The following MAST4 variants were observed in gnomAD, a reference collection of about 807,000 sequenced individuals.
MAST4 encodes the protein microtubule-associated serine/threonine-protein kinase 4.
In MAST4, 89 loss-of-function variants were observed where a neutral mutation model predicts 162.7. The observed-to-expected ratio is 0.55, with a 90% CI of 0.46 to 0.65. The LOEUF is 0.65. MAST4 is among the 30% of genes least tolerant of loss of function. The pLI is 0.00. For missense variants in MAST4, 3,153 were observed against 3,374.0 expected (o/e 0.93, Z 1.62); for synonymous variants, 1,479 against 1,361.1 (o/e 1.09, Z -1.91).
At chr5:66,865,841 G>A (rs1760474685) in intron 3 of MAST4, among the ~76,000 whole-genome samples, 1 of 152,108 alleles carries the variant, frequency 6.6e-6, no homozygotes, top group African/African-American at 2.4e-5. Flanking sequence ...TTGGGAGGCT[G>A]AGGTGGGCGG....
chr5:66,620,124 C>T lies in MAST4; in HGVS notation c.363+23106C>T, dbSNP rs138238940. ...TAATTGTTACCTGGTTATTATAGTT[C>T]GCTGTTAGCAAAATATTCTATAGGA... On this transcript the variant is annotated intron_variant, in intron 1 of 28. Coordinates refer to ENST00000403625, the MANE Select transcript of MAST4 (RefSeq NM_001164664.2). Among the ~76,000 whole-genome samples the T allele has an allele frequency of 1.8e-4, 25 of 142,596 alleles. No homozygotes were observed. The East Asian group carries it at 2.0e-3, about 12-fold the overall frequency. The allele number at this position is 142,596 out of a possible 152,430, so 93.5% of individuals were successfully genotyped here. A position where few individuals can be genotyped will look rare whatever the true frequency, so the allele number is the denominator to read the frequency against.
At chr5:66,600,925 C>T (rs1235390914) in intron 1 of MAST4, among the ~76,000 whole-genome samples, 3 of 152,182 alleles carry the variant, frequency 2.0e-5, no homozygotes, top group Admixed American at 6.5e-5. Context: ...CCCATGTATA[C>T]TCTGCTACAC....
At chr5:66,987,210 G>A (rs1181091060) in intron 4 of MAST4, among the ~76,000 whole-genome samples, 1 of 152,086 alleles carries the variant, frequency 6.6e-6, no homozygotes. Context: ...GTGTCTTGAA[G>A]GTGACATGTT....
At chr5:66,665,059 T>C (rs1207830846) in intron 1 of MAST4, among the ~76,000 whole-genome samples, 1 of 152,022 alleles carries the variant, frequency 6.6e-6, no homozygotes, top group Non-Finnish European at 1.5e-5. Context: ...AAGAACAGAG[T>C]ACTATCAGAA....
At chr5:66,964,169 A>G (rs908803664) in intron 4 of MAST4, 5 of 415,542 alleles carry the variant, frequency 1.2e-5, no homozygotes, top group Admixed American at 3.2e-5. Flanking sequence ...TTTATACACT[A>G]TTATTTACAG....
At chr5:66,694,785 C>A (rs778554561) in intron 1 of MAST4, among the ~76,000 whole-genome samples, 1 of 152,208 alleles carries the variant, frequency 6.6e-6, no homozygotes, top group Admixed American at 6.5e-5. Flanking sequence ...CCACGCCCAG[C>A]CAATCTTGAG....
Position 66,795,592 on chromosome 5 carries a change from A to C in MAST4, c.642+6798A>C, listed in dbSNP as rs943219461. Among the ~76,000 whole-genome samples the C allele has an allele frequency of 2.0e-5, 3 of 152,356 alleles. No homozygotes were observed. The East Asian group carries it at 5.8e-4, about 29-fold the overall frequency. ...ACTTAGTTGGTTTGGTTATAAAATT[A>C]TTCTTTTAAATTTATGCTTTAGTGA... On this transcript the variant is annotated intron_variant, in intron 3 of 28. Coordinates refer to ENST00000403625, the MANE Select transcript of MAST4 (RefSeq NM_001164664.2).
At chr5:66,791,484 A>G (rs1027838783) in intron 3 of MAST4, among the ~76,000 whole-genome samples, 2 of 152,234 alleles carry the variant, frequency 1.3e-5, no homozygotes, top group Admixed American at 1.3e-4. Flanking sequence ...GTACCTCCCA[A>G]AATCTATCAG....
At chr5:66,942,705 G>T (rs1466500530) in intron 4 of MAST4, among the ~76,000 whole-genome samples, 2 of 152,032 alleles carry the variant, frequency 1.3e-5, no homozygotes, top group African/African-American at 4.8e-5. Flanking sequence ...TGATAAAGTA[G>T]CCATGATCGA....
intron 2 of MAST4, among the ~76,000 whole-genome samples, chr5:66,777,371 G>T (rs990748163): frequency 6.6e-6 from 1 of 152,154 alleles, no homozygotes; most frequent in Non-Finnish European, 1.5e-5. Context: ...CAGATGATAG[G>T]TTCTTTGTTT....
intron 2 of MAST4, among the ~76,000 whole-genome samples, chr5:66,774,785 A>G (rs1473878777): frequency 1.3e-5 from 2 of 152,218 alleles, no homozygotes; most frequent in African/African-American, 4.8e-5. Flanking sequence ...ATCCAGTGCT[A>G]TATTAGCATA....
intron 1 of MAST4, among the ~76,000 whole-genome samples, chr5:66,731,493 A>G (rs765857719): frequency 3.3e-5 from 5 of 149,908 alleles, no homozygotes; most frequent in Admixed American, 6.6e-5. Flanking sequence ...TTTCTAAAAC[A>G]TACATACAGA....
intron 4 of MAST4, among the ~76,000 whole-genome samples, chr5:67,008,869 A>G (rs902139420): frequency 6.6e-6 from 1 of 152,176 alleles, no homozygotes; most frequent in African/African-American, 2.4e-5. Context: ...TGAATTTTTT[A>G]TGCATTCGGC....
At chr5:66,709,765 C>A (rs1580258643) in intron 1 of MAST4, among the ~76,000 whole-genome samples, 1 of 152,214 alleles carries the variant, frequency 6.6e-6, no homozygotes, top group East Asian at 1.9e-4. Context: ...AAAATAATCA[C>A]CAGACTGTTT....
intron 4 of MAST4, among the ~76,000 whole-genome samples, chr5:66,972,233 G>A (rs1489308070): frequency 6.6e-6 from 1 of 152,080 alleles, no homozygotes. Flanking sequence ...TGAATGATGA[G>A]GTATTATGAA....
chr5:66,858,858 A>G (rs1400241790), intron 3 of MAST4, among the ~76,000 whole-genome samples: 1 of 152,134 alleles, frequency 6.6e-6, no homozygotes, highest in Non-Finnish European at 1.5e-5. Flanking sequence ...TTTTCACTAT[A>G]TAGATGTTGT....
chr5:67,125,543 G>T (rs1222486291), intron 14 of MAST4, among the ~76,000 whole-genome samples: 1 of 152,034 alleles, frequency 6.6e-6, no homozygotes, highest in Non-Finnish European at 1.5e-5. Flanking sequence ...GAGAATGATG[G>T]TTTCCAGCTT....
intron 4 of MAST4, among the ~76,000 whole-genome samples, chr5:67,012,852 C>T (rs1581197567): frequency 6.6e-6 from 1 of 152,264 alleles, no homozygotes; most frequent in Non-Finnish European, 1.5e-5. Context: ...ACATTAATGT[C>T]TATTGGACAT....
At chr5:66,824,909 G>A (rs1372661620) in intron 3 of MAST4, among the ~76,000 whole-genome samples, 2 of 152,176 alleles carry the variant, frequency 1.3e-5, no homozygotes, top group African/African-American at 2.4e-5. Flanking sequence ...ACATATGAAT[G>A]GAGCTTGCAG....
Sources: allele counts gnomAD v4.1 joint callset (sites outside exome capture counted in the v4.1 genomes callset), GRCh38; gene constraint gnomAD v4.1.1; transcripts MANE v1.5; gene names NCBI Gene and HGNC (gene_info 2026-07-23, HGNC 2026-07-21).